Variants in NEDD4L observed in about 807,000 individuals in gnomAD.
NEDD4L encodes the protein NEDD4 like E3 ubiquitin protein ligase.
NEDD4L carries 54 observed loss-of-function variants against 148.9 expected under a neutral mutation model. The observed-to-expected ratio is 0.36, with a 90% CI of 0.29 to 0.45. The LOEUF is 0.45. Among genes scored for constraint, NEDD4L ranks in the 20% least tolerant of loss-of-function variants. The probability of loss-of-function intolerance (pLI) is 1.00; values close to 1 mark genes in which losing one functional copy is unlikely to be tolerated. For missense variants in NEDD4L, 856 were observed against 1,233.8 expected (o/e 0.69, Z 4.59); for synonymous variants, 433 against 440.7 (o/e 0.98, Z 0.22).
At chr18:58,070,846 A>C (rs903979057) in intron 1 of NEDD4L, among the ~76,000 whole-genome samples, 4 of 152,182 alleles carry the variant, frequency 2.6e-5, no homozygotes, top group Non-Finnish European at 4.4e-5. Context: ...CAAACAAAAA[A>C]CAAAACAAAC....
At chr18:58,352,967 T>A (rs1043488318) in intron 18 of NEDD4L, among the ~76,000 whole-genome samples, 5 of 152,232 alleles carry the variant, frequency 3.3e-5, no homozygotes, top group African/African-American at 1.2e-4. Context: ...ACTGACTATT[T>A]CACTTGTGGT....
rs151034624 is a variant in NEDD4L at position 58,128,398 on chromosome 18, C to T, written c.49-37390C>T. ...GAAACTTAATAGGTCAAAGAACCCT[C>T]CCCTTGAGGCAGTTTGGATGGGGCT... On this transcript the variant is annotated intron_variant, in intron 1 of 30. Transcript: ENST00000400345. Among the ~76,000 whole-genome samples the T allele has an allele frequency of 8.7e-4, 132 of 152,280 alleles. No homozygotes were observed. In the East Asian group the frequency reaches 0.022, roughly 25 times the overall value.
chr18:58,143,096 T>C (rs1237051076), intron 1 of NEDD4L, among the ~76,000 whole-genome samples: 1 of 152,178 alleles, frequency 6.6e-6, no homozygotes, highest in Non-Finnish European at 1.5e-5. Flanking sequence ...TACATATTAA[T>C]ATCCTTTAGT....
At chr18:58,142,451 A>G (rs1021028031) in intron 1 of NEDD4L, among the ~76,000 whole-genome samples, 2 of 152,186 alleles carry the variant, frequency 1.3e-5, no homozygotes, top group Admixed American at 1.3e-4. Context: ...AATGTCTTGT[A>G]TCTTCCTATG....
intron 1 of NEDD4L, among the ~76,000 whole-genome samples, chr18:58,062,189 C>T (rs1021220797): frequency 1.3e-5 from 2 of 152,256 alleles, no homozygotes; most frequent in South Asian, 4.1e-4. Flanking sequence ...GTCTTTGTGT[C>T]GGTCCCAGGT....
chr18:58,276,617 A>G (rs1217424515), intron 5 of NEDD4L, among the ~76,000 whole-genome samples: 2 of 151,810 alleles, frequency 1.3e-5, no homozygotes, highest in Non-Finnish European at 2.9e-5. Flanking sequence ...TATGTAAGGA[A>G]TTAATGAGGG....
chr18:58,284,152 A>G (rs1217775887), intron 5 of NEDD4L, among the ~76,000 whole-genome samples: 1 of 152,222 alleles, frequency 6.6e-6, no homozygotes, highest in Non-Finnish European at 1.5e-5. Context: ...AAGCTACTCA[A>G]GTTTGTGGTA....
At chr18:58,240,815 T>TTATGTATGTATGTATG (rs61543959) in intron 2 of NEDD4L, among the ~76,000 whole-genome samples, 11 of 150,790 alleles carry the variant, frequency 7.3e-5, no homozygotes, top group African/African-American at 2.4e-4. Context: ...CAGCTAACAT[T>TTATGTATGTATGTATG]TATGTATGTA....
chr18:58,149,450 TC>T lies in NEDD4L; in HGVS notation c.49-16336del. The T allele has an allele frequency of 4.5e-6, 7 of 1,541,146 alleles. No individual in the cohort carries two copies. In the South Asian group the frequency reaches 6.0e-5, roughly 13 times the overall value. ...GTTACCCTTGGCTGCAGCCACGACTTCCGCATACTCTTCAGAACTTGCTCTG... is the reference window on the plus strand; with the variant it reads ...GTTACCCTTGGCTGCAGCCACGACTTCGCATACTCTTCAGAACTTGCTCTG... On this transcript the variant is annotated intron_variant, in intron 1 of 30. Coordinates refer to ENST00000400345, the MANE Select transcript of NEDD4L (RefSeq NM_001144967.3).
chr18:58,322,319 C>G, intron 6 of NEDD4L, 106 bp from the exon 7 acceptor site: 1 of 806,832 alleles, frequency 1.2e-6, no homozygotes, highest in South Asian at 1.5e-5. Context: ...TTCAGCGGTG[C>G]CACATTCTAA....
chr18:58,312,335 G>T (rs1331540590), intron 5 of NEDD4L, among the ~76,000 whole-genome samples: 1 of 152,212 alleles, frequency 6.6e-6, no homozygotes, highest in Non-Finnish European at 1.5e-5. Context: ...CGAATGAGTT[G>T]AAGTTAATTT....
At chr18:58,310,671 G>T (rs1360384713) in intron 5 of NEDD4L, among the ~76,000 whole-genome samples, 1 of 152,186 alleles carries the variant, frequency 6.6e-6, no homozygotes, top group Non-Finnish European at 1.5e-5. Context: ...TGCTCTGATT[G>T]CATGATGGAA....
chr18:58,044,955 C>T (rs2144332834), intron 1 of NEDD4L: 1 of 453,058 alleles, frequency 2.2e-6, no homozygotes, highest in South Asian at 4.6e-5. Context: ...GGGTTCACTC[C>T]GCAGCTCCTC....
chr18:58,255,695 G>A (rs938877340), intron 5 of NEDD4L: 5 of 1,232,302 alleles, frequency 4.1e-6, no homozygotes, highest in Middle Eastern at 3.1e-4. Flanking sequence ...CACAGCCCCC[G>A]AATCAGACAT....
At chr18:58,169,765 C>G (rs1460025426) in intron 2 of NEDD4L, among the ~76,000 whole-genome samples, 3 of 152,288 alleles carry the variant, frequency 2.0e-5, no homozygotes, top group African/African-American at 7.2e-5. Context: ...GATCTGGTGA[C>G]TCCTCCAGTG....
At chr18:58,298,499 A>G (rs1600864505) in intron 5 of NEDD4L, among the ~76,000 whole-genome samples, 1 of 152,238 alleles carries the variant, frequency 6.6e-6, no homozygotes, top group South Asian at 2.1e-4. Flanking sequence ...TTTTCAAAGT[A>G]TGACTAATAA....
At chr18:58,235,309 G>T (rs1485474183) in intron 2 of NEDD4L, among the ~76,000 whole-genome samples, 2 of 152,132 alleles carry the variant, frequency 1.3e-5, no homozygotes, top group Non-Finnish European at 2.9e-5. Flanking sequence ...CTTGAAAAGT[G>T]TCTCCCTTGG....
chr18:58,246,542 G>T (rs560694907), intron 3 of NEDD4L, among the ~76,000 whole-genome samples: 2 of 152,118 alleles, frequency 1.3e-5, no homozygotes, highest in African/African-American at 2.4e-5. Flanking sequence ...TCAGCTCACC[G>T]CAACCTTTGC....
chr18:58,199,174 A>G (rs2041102439), intron 2 of NEDD4L, among the ~76,000 whole-genome samples: 1 of 152,246 alleles, frequency 6.6e-6, no homozygotes, highest in Non-Finnish European at 1.5e-5. Flanking sequence ...ATCTAATTAA[A>G]CAACTAATAA....
Sources: gnomAD v4.1 joint callset for allele counts (sites outside exome capture counted in the v4.1 genomes callset) on GRCh38, gnomAD v4.1.1 for gene constraint, MANE v1.5 for transcripts, NCBI Gene and HGNC (gene_info 2026-07-23, HGNC 2026-07-21) for gene names.